The following ABCG1 variants were observed in gnomAD, a reference collection of about 807,000 sequenced individuals.
The protein encoded by ABCG1 is ATP-binding cassette sub-family G member 1.
In ABCG1, 29 loss-of-function variants were observed where a neutral mutation model predicts 69.2. That is an observed-to-expected ratio of 0.42 (90% confidence interval 0.31 to 0.57). The LOEUF is 0.57. Among genes scored for constraint, ABCG1 ranks in the 20% least tolerant of loss-of-function variants. The pLI, the probability that ABCG1 is intolerant of heterozygous loss-of-function variation, is 0.15. For missense variants in ABCG1, 718 were observed against 898.1 expected (o/e 0.80, Z 2.56); for synonymous variants, 370 against 374.8 (o/e 0.99, Z 0.15).
intron 5 of ABCG1, 114 bp downstream of exon 5, chr21:42,277,059 C>A: frequency 1.7e-6 from 2 of 1,162,930 alleles, no homozygotes; most frequent in Non-Finnish European, 1.3e-6. Flanking sequence ...TTTGTTTTTG[C>A]CTTGCCTTCC....
intron 2 of ABCG1, among the ~76,000 whole-genome samples, chr21:42,253,087 C>T (rs1022668705): frequency 4.6e-5 from 7 of 152,214 alleles, no homozygotes; most frequent in African/African-American, 1.7e-4. Context: ...ATGCAGTGGG[C>T]GAGGTGTCTA....
chr21:42,205,844 A>C (rs114293033), intron 2 of ABCG1, among the ~76,000 whole-genome samples: 2,777 of 151,450 alleles, frequency 0.018, 86 homozygotes, highest in African/African-American at 0.063. Flanking sequence ...CCCTTTCCCG[A>C]CTGTTTTAGT....
At chr21:42,223,635 G>A (rs2123512683) in intron 1 of ABCG1, among the ~76,000 whole-genome samples, 2 of 152,344 alleles carry the variant, frequency 1.3e-5, no homozygotes, top group East Asian at 1.9e-4. Context: ...TTTCTTGCCT[G>A]GGGCCAGATC....
intron 13 of ABCG1, among the ~76,000 whole-genome samples, chr21:42,293,310 C>A (rs1183750417): frequency 1.5e-5 from 2 of 135,398 alleles, no homozygotes; most frequent in Non-Finnish European, 3.1e-5. Flanking sequence ...ACACTACACA[C>A]CACACAGTAC....
chr21:42,277,076 G>A, intron 5 of ABCG1, 131 bp downstream of exon 5: 2 of 947,694 alleles, frequency 2.1e-6, no homozygotes, highest in Non-Finnish European at 3.3e-6. Flanking sequence ...TTCCGTGTGT[G>A]GGACAGGCAA....
intron 2 of ABCG1, among the ~76,000 whole-genome samples, chr21:42,266,229 A>G (rs1445634198): frequency 6.6e-6 from 1 of 152,124 alleles, no homozygotes; most frequent in African/African-American, 2.4e-5. Context: ...TGAACCCAAG[A>G]GGCAGAGTTT....
At chr21:42,208,069 C>T (rs928547577) in intron 2 of ABCG1, among the ~76,000 whole-genome samples, 12 of 152,134 alleles carry the variant, frequency 7.9e-5, no homozygotes, top group South Asian at 2.1e-4. Flanking sequence ...ATCTGAACTC[C>T]CCACTCTTTC....
Position 42,296,637 on chromosome 21 carries a change from TA to T in ABCG1, c.*247del. Reference sequence around the variant, plus strand: ...GGCAGATTGGTGGTTTTTTTTTTTTTAACATACAGAATTTTAAATACCACAA... The same window carrying T: ...GGCAGATTGGTGGTTTTTTTTTTTTTACATACAGAATTTTAAATACCACAA... On this transcript the variant is annotated 3_prime_UTR_variant, in exon 15 of 15. Coordinates refer to ENST00000398449, the MANE Select transcript of ABCG1 (RefSeq NM_016818.3). This position sits in a 1 kb window ranked among gnomAD's most constrained non-coding sequence, Gnocchi z 5.4. 1 of 509,442 alleles carries T rather than the reference TA, an allele frequency of 2.0e-6. No homozygotes were observed. The highest frequency in any genetic ancestry group is 3.6e-6 in the Non-Finnish European group (1 of 280,816). 31.6% of individuals were successfully genotyped at this position (509,442 alleles called of 1,614,324 possible). A position where few individuals can be genotyped will look rare whatever the true frequency, so the allele number is the denominator to read the frequency against.
Position 42,276,767 on chromosome 21 carries a change from CGTGGCTAGTGGCACT to C in ABCG1, c.538-119_538-105del, listed in dbSNP as rs2068718915. On this transcript the variant is annotated intron_variant, in intron 4 of 14. Coordinates refer to ENST00000398449, the MANE Select transcript of ABCG1 (RefSeq NM_016818.3). The surrounding 1 kb of genome is among the most constrained non-coding windows in gnomAD (Gnocchi z 5.3). Reference sequence around the variant, plus strand: ...CTAGCTGCACTGTGGGTAGCTGCACCGTGGCTAGTGGCACTGTGGCTAGCTGCATCTTGGCTAGCT... The same window carrying C: ...CTAGCTGCACTGTGGGTAGCTGCACCGTGGCTAGCTGCATCTTGGCTAGCT... 4.4e-6 allele frequency: 4 copies of C among 901,680 alleles called. No homozygotes were observed. Among genetic ancestry groups the C allele is most frequent in the Non-Finnish European group, 7.2e-6 (4 of 557,828 alleles). The allele number at this position is 901,680 out of a possible 1,614,324, so 55.9% of individuals were successfully genotyped here. A position where few individuals can be genotyped will look rare whatever the true frequency, so the allele number is the denominator to read the frequency against.
rs200201555 is a variant in ABCG1 at position 42,271,192 on chromosome 21, G to A, written c.404+5G>A. 22 of 1,542,118 alleles carry A rather than the reference G, an allele frequency of 1.4e-5. No homozygotes were observed. In the East Asian group the frequency reaches 4.4e-4, roughly 31 times the overall value. Reference sequence around the variant, plus strand: ...GAACATCCTGGCTGGATACAGGTGAGCAGCCCTGCCCAGGGCGCAAAGTTC... The same window carrying A: ...GAACATCCTGGCTGGATACAGGTGAACAGCCCTGCCCAGGGCGCAAAGTTC... On this transcript the variant is annotated splice_donor_5th_base_variant and intron_variant, in intron 3 of 14. Transcript: ENST00000398449.
intron 2 of ABCG1, among the ~76,000 whole-genome samples, chr21:42,250,429 T>C (rs929247567): frequency 6.6e-6 from 1 of 152,168 alleles, no homozygotes; most frequent in Non-Finnish European, 1.5e-5. Context: ...CTGGGCATCC[T>C]GCATGGAGGG....
At chr21:42,282,738 T>C (rs441626) in intron 6 of ABCG1, among the ~76,000 whole-genome samples, 114,121 of 152,212 alleles carry the variant, frequency 0.75, 43,583 homozygotes, top group African/African-American at 0.89. Context: ...GCCAAGGTCA[T>C]GGGACGACCT....
intron 2 of ABCG1, among the ~76,000 whole-genome samples, chr21:42,235,971 A>G (rs1204679459): frequency 6.6e-6 from 1 of 152,106 alleles, no homozygotes; most frequent in Admixed American, 6.5e-5. Context: ...AGGTGGCACA[A>G]TTTTCCTAGG....
chr21:42,248,480 A>T (rs955248938), intron 2 of ABCG1, among the ~76,000 whole-genome samples: 3 of 152,168 alleles, frequency 2.0e-5, no homozygotes, highest in Admixed American at 2.0e-4. Context: ...TGAGTTGAAG[A>T]TACGCACCCT....
At position 42,291,326 on chromosome 21, in the gene ABCG1, G is replaced by A. The variant is rs1484944217; in HGVS notation, c.1494+134G>A. On this transcript the variant is annotated intron_variant, in intron 12 of 14. Transcript: ENST00000398449. The surrounding 1 kb of genome is among the most constrained non-coding windows in gnomAD (Gnocchi z 6.4). Reference sequence around the variant, plus strand: ...TCGGGAGCTCTGGTGGGAGCTGCGGGGAAGGGCCTGACTTCGGGAGCTGTG... The same window carrying A: ...TCGGGAGCTCTGGTGGGAGCTGCGGAGAAGGGCCTGACTTCGGGAGCTGTG... 1.7e-6 allele frequency: 2 copies of A among 1,167,432 alleles called. No individual in the cohort carries two copies. Among genetic ancestry groups the A allele is most frequent in the South Asian group, 1.4e-5 (1 of 70,418 alleles). The allele number at this position is 1,167,432 out of a possible 1,614,324, so 72.3% of individuals were successfully genotyped here. A position where few individuals can be genotyped will look rare whatever the true frequency, so the allele number is the denominator to read the frequency against.
rs369431748 is a variant in ABCG1, at chr21:42,261,272, G to C, written c.287-9798G>C. On this transcript the variant is annotated intron_variant, in intron 2 of 14. Transcript: ENST00000398449. ...GCTGGCTGCAAGTTTACTAAACGGA[G>C]GCATTTGTGAGGGGATTTCAGATAC... is the stretch of plus-strand genomic sequence containing the variant. Among the ~76,000 whole-genome samples, 19 of 152,122 alleles carry C rather than the reference G, an allele frequency of 1.2e-4. No individual in the cohort carries two copies. The East Asian group carries it at 3.7e-3, about 29-fold the overall frequency.
At chr21:42,246,189 G>T (rs1359811423) in intron 2 of ABCG1, among the ~76,000 whole-genome samples, 3 of 152,146 alleles carry the variant, frequency 2.0e-5, no homozygotes, top group African/African-American at 7.2e-5. Flanking sequence ...TGCAGTGACT[G>T]AATTCGCCAT....
intron 2 of ABCG1, among the ~76,000 whole-genome samples, chr21:42,268,388 T>TGTGCGCGC (rs57264459): frequency 5.2e-4 from 57 of 110,180 alleles, no homozygotes; most frequent in African/African-American, 1.5e-3. Context: ...TGTGTGTGTG[T>TGTGCGCGC]GCGCGCGCGC....
chr21:42,256,554 CT>C (rs1186929775), intron 2 of ABCG1: 1 of 1,544,692 alleles, frequency 6.5e-7, no homozygotes, highest in Non-Finnish European at 8.8e-7. Context: ...AATATCCCAT[CT>C]GCATTCTCTG....
Sources: allele counts gnomAD v4.1 joint callset (sites outside exome capture counted in the v4.1 genomes callset), GRCh38; gene constraint gnomAD v4.1.1; non-coding constraint Gnocchi (gnomAD v3.1); transcripts MANE v1.5; gene names NCBI Gene and HGNC (gene_info 2026-07-23, HGNC 2026-07-21).